Variants in TFDP2 observed in about 807,000 individuals in gnomAD.
The protein encoded by TFDP2 is transcription factor Dp-2, also known as transcription factor Dp-2 (E2F dimerization partner 2).
In TFDP2, 17 loss-of-function variants were observed where a neutral mutation model predicts 59.3. That is an observed-to-expected ratio of 0.29 (90% CI 0.20 to 0.43). The LOEUF (loss-of-function observed/expected upper bound fraction) is 0.43. Ranked by LOEUF, TFDP2 falls within the 20% of genes least tolerant of loss-of-function variation. The probability of loss-of-function intolerance (pLI) is 1.00; values close to 1 mark genes in which losing one functional copy is unlikely to be tolerated. For synonymous variants in TFDP2, 180 were observed against 194.7 expected (o/e 0.92, Z 0.63); for missense variants, 391 against 528.8 (o/e 0.74, Z 2.56).
Position 141,982,927 on chromosome 3 carries a change from C to T in TFDP2, c.357-4245G>A, listed in dbSNP as rs1353298451. Among the ~76,000 whole-genome samples, 4 of 152,276 alleles carry T rather than the reference C, an allele frequency of 2.6e-5. No homozygotes were observed. The South Asian group carries it at 6.2e-4, about 24-fold the overall frequency. ...GCAGTTTACTCGATTTAACTCTGAT[C>T]CACAGTCCTTCATCTGAAAAATGCA... On this transcript the variant is annotated intron_variant, in intron 6 of 12. Transcript: ENST00000489671.
At chr3:142,108,149 TA>T (rs917765353) in intron 1 of TFDP2, among the ~76,000 whole-genome samples, 82 of 152,240 alleles carry the variant, frequency 5.4e-4, no homozygotes, top group African/African-American at 1.8e-3. Context: ...ATAAAACCTC[TA>T]ACCTCTTTGT....
rs148343968 is a variant in TFDP2, at chr3:142,059,875, T to C, written c.82+33186A>G. 3.2e-3 allele frequency among the ~76,000 whole-genome samples: 489 copies of C among 152,182 alleles called. 4 individuals carry two copies. The highest frequency in any genetic ancestry group is 0.011 in the African/African-American group (466 of 41,536). ...GGGATTACAGGCTTGAGCAACTGTG[T>C]CCAGCCCCTCTCCAGCTTTCTTTCC... On this transcript the variant is annotated intron_variant, in intron 3 of 12. Transcript: ENST00000489671.
At chr3:142,147,847 T>C (rs561878358) in intron 1 of TFDP2, among the ~76,000 whole-genome samples, 1 of 152,240 alleles carries the variant, frequency 6.6e-6, no homozygotes, top group South Asian at 2.1e-4. Flanking sequence ...CCTGGTGCTG[T>C]CTGAGAATGG....
intron 6 of TFDP2, among the ~76,000 whole-genome samples, chr3:141,986,529 T>C (rs1012164432): frequency 6.6e-6 from 1 of 152,266 alleles, no homozygotes; most frequent in Non-Finnish European, 1.5e-5. Context: ...TTTCATTGTA[T>C]GAATACATTG....
At chr3:142,125,651 A>T (rs2062212898) in intron 1 of TFDP2, among the ~76,000 whole-genome samples, 1 of 152,228 alleles carries the variant, frequency 6.6e-6, no homozygotes, top group Admixed American at 6.5e-5. Flanking sequence ...GTATTGATAT[A>T]GAGTGACCTC....
intron 3 of TFDP2, among the ~76,000 whole-genome samples, chr3:142,022,275 T>A (rs1186185271): frequency 6.6e-6 from 1 of 152,240 alleles, no homozygotes; most frequent in East Asian, 1.9e-4. Context: ...AGAATTTGTA[T>A]TTTTAAGTGC....
In TFDP2 at chr3:142,149,200, GAA is replaced by G. The variant is rs2063297824; in HGVS notation, c.-112_-111del. ...GACCTTACCGCCTTCGGCTGCAGAA[GAA>G]CTGGCGGCCAAGCGAGGCTGTCGGG... is the stretch of plus-strand genomic sequence containing the variant. On this transcript the variant is annotated 5_prime_UTR_variant, in exon 1 of 13. Transcript: ENST00000489671. 2.5e-6 allele frequency: 1 copy of G among 397,718 alleles called. No homozygotes were observed. The highest frequency in any genetic ancestry group is 4.4e-5 in the Admixed American group (1 of 22,700). 24.6% of individuals were successfully genotyped at this position (397,718 alleles called of 1,614,324 possible). A position where few individuals can be genotyped will look rare whatever the true frequency, so the allele number is the denominator to read the frequency against.
chr3:142,053,132 GA>G (rs1368892696), intron 3 of TFDP2, among the ~76,000 whole-genome samples: 2 of 152,168 alleles, frequency 1.3e-5, no homozygotes, highest in African/African-American at 4.8e-5. Flanking sequence ...AGGATACAAA[GA>G]ACCACAAACT....
intron 3 of TFDP2, among the ~76,000 whole-genome samples, chr3:142,008,544 T>C (rs1944397362): frequency 6.6e-6 from 1 of 152,090 alleles, no homozygotes; most frequent in African/African-American, 2.4e-5. Context: ...CACCTGGCTT[T>C]GTTATACACC....
intron 3 of TFDP2, among the ~76,000 whole-genome samples, chr3:142,082,521 C>T (rs2060671966): frequency 6.6e-6 from 1 of 151,986 alleles, no homozygotes; most frequent in Non-Finnish European, 1.5e-5. Flanking sequence ...ATTCATTCTA[C>T]AAGGCTTGTA....
intron 7 of TFDP2, among the ~76,000 whole-genome samples, chr3:141,977,126 TTTCC>T (rs1450661167): frequency 3.7e-4 from 43 of 114,842 alleles, no homozygotes; most frequent in African/African-American, 9.2e-4. Flanking sequence ...TTTTTTTTTT[TTTCC>T]CCCCAAAGAG....
intron 3 of TFDP2, among the ~76,000 whole-genome samples, chr3:142,023,944 G>A (rs908468114): frequency 2.6e-5 from 4 of 152,268 alleles, no homozygotes; most frequent in South Asian, 2.1e-4. Flanking sequence ...GGGACCACAG[G>A]TGCGTGCCAC....
intron 3 of TFDP2, among the ~76,000 whole-genome samples, chr3:142,087,211 C>G (rs2060831126): frequency 6.6e-6 from 1 of 152,146 alleles, no homozygotes; most frequent in Non-Finnish European, 1.5e-5. Context: ...TGTCAACTGG[C>G]AATGGGGATA....
intron 5 of TFDP2, among the ~76,000 whole-genome samples, chr3:141,993,874 GACTATAAAAACACCAGAC>G (rs1415457046): frequency 6.6e-6 from 1 of 152,196 alleles, no homozygotes; most frequent in Non-Finnish European, 1.5e-5. Flanking sequence ...GCGAAATACT[GACTATAAAAACACCAGAC>G]AATCCTGCCA....
chr3:142,049,338 C>T (rs1201447249), intron 3 of TFDP2, among the ~76,000 whole-genome samples: 2 of 152,008 alleles, frequency 1.3e-5, no homozygotes, highest in African/African-American at 2.4e-5. Flanking sequence ...ATATAATTCC[C>T]CATATCATCA....
At chr3:142,027,571 T>G (rs190566425) in intron 3 of TFDP2, among the ~76,000 whole-genome samples, 10 of 152,322 alleles carry the variant, frequency 6.6e-5, no homozygotes, top group African/African-American at 2.4e-4. Context: ...TATTTAAAAT[T>G]TCACTGTATC....
intron 11 of TFDP2, among the ~76,000 whole-genome samples, chr3:141,956,397 C>A (rs1470506959): frequency 6.6e-6 from 1 of 151,880 alleles, no homozygotes; most frequent in African/African-American, 2.4e-5. Flanking sequence ...ACTAAAAATA[C>A]AAAAATTAGC....
At chr3:141,953,068 G>T in intron 11 of TFDP2, 52 bp from the exon 12 acceptor site, 1 of 1,325,124 alleles carries the variant, frequency 7.5e-7, no homozygotes, top group Non-Finnish European at 1.1e-6. Flanking sequence ...TTCTGTGGCT[G>T]CTGTTGTTAC....
chr3:142,096,332 AG>A (rs2061164344), intron 2 of TFDP2, among the ~76,000 whole-genome samples: 2 of 152,220 alleles, frequency 1.3e-5, no homozygotes, highest in South Asian at 4.1e-4. Context: ...ATTTGAGAGT[AG>A]AAAAAGTTGG....
Sources: gnomAD v4.1 joint callset for allele counts (sites outside exome capture counted in the v4.1 genomes callset) on GRCh38, gnomAD v4.1.1 for gene constraint, MANE v1.5 for transcripts, NCBI Gene and HGNC (gene_info 2026-07-23, HGNC 2026-07-21) for gene names.